STK32B: variants seen among roughly 807,000 people sequenced by gnomAD.
The protein encoded by STK32B is serine/threonine kinase 32B.
Under a neutral mutation model 52.6 loss-of-function variants are expected in STK32B, and 43 were observed. The observed-to-expected ratio is 0.82, with a 90% confidence interval of 0.64 to 1.05. The LOEUF (loss-of-function observed/expected upper bound fraction) is 1.05. Among genes scored for constraint, STK32B ranks in the 50% least tolerant of loss-of-function variants. STK32B has a pLI of 0.00. For synonymous variants in STK32B, 238 were observed against 204.3 expected (o/e 1.17, Z -1.41); for missense variants, 621 against 534.6 (o/e 1.16, Z -1.59).
At chr4:5,304,374 G>A (rs1729777473) in intron 3 of STK32B, among the ~76,000 whole-genome samples, 1 of 149,576 alleles carries the variant, frequency 6.7e-6, no homozygotes, top group Non-Finnish European at 1.5e-5. Flanking sequence ...ACTTTTCCTT[G>A]TAGAGGTCTT....
At chr4:5,491,457 C>A (rs1482124228) in intron 11 of STK32B, among the ~76,000 whole-genome samples, 1 of 152,068 alleles carries the variant, frequency 6.6e-6, no homozygotes, top group Non-Finnish European at 1.5e-5. Context: ...TGTTTGAGTT[C>A]ATTGTAGATT....
intron 1 of STK32B, among the ~76,000 whole-genome samples, chr4:5,114,006 C>G (rs1560158197): frequency 6.6e-6 from 1 of 152,092 alleles, no homozygotes; most frequent in Non-Finnish European, 1.5e-5. Flanking sequence ...TCCCATGATT[C>G]AATTACCTCC....
At chr4:5,205,653 G>A (rs1722508044) in intron 3 of STK32B, among the ~76,000 whole-genome samples, 1 of 152,016 alleles carries the variant, frequency 6.6e-6, no homozygotes, top group Admixed American at 6.5e-5. Context: ...TGACAGAGGA[G>A]TGAGTGAGTG....
intron 3 of STK32B, among the ~76,000 whole-genome samples, chr4:5,312,091 G>A (rs1393862): frequency 0.083 from 12,529 of 151,254 alleles, 836 homozygotes; most frequent in African/African-American, 0.18. Flanking sequence ...GTAATATATA[G>A]TACAATCATC....
chr4:5,379,555 A>G (rs763161605), intron 4 of STK32B, among the ~76,000 whole-genome samples: 2 of 152,066 alleles, frequency 1.3e-5, no homozygotes, highest in Non-Finnish European at 2.9e-5. Context: ...AACCCCCAGT[A>G]CCCCAGAATG....
intron 5 of STK32B, among the ~76,000 whole-genome samples, chr4:5,402,423 C>T (rs1198266685): frequency 1.3e-5 from 2 of 152,212 alleles, no homozygotes. Flanking sequence ...GTATTTTGCA[C>T]TTAAGTGCCA....
At chr4:5,416,233 T>G (rs142824264) in intron 5 of STK32B, among the ~76,000 whole-genome samples, 303 of 152,216 alleles carry the variant, frequency 2.0e-3, no homozygotes, top group African/African-American at 7.0e-3. Context: ...TGCACATCAC[T>G]TAGTTTCCTT....
At chr4:5,468,387 C>T (rs1451800566) in intron 11 of STK32B, among the ~76,000 whole-genome samples, 2 of 152,194 alleles carry the variant, frequency 1.3e-5, no homozygotes, top group African/African-American at 2.4e-5. Flanking sequence ...AAAGTAAGAG[C>T]GCTGGGGTCA....
chr4:5,126,302 C>T (rs1180861766), intron 1 of STK32B, among the ~76,000 whole-genome samples: 2 of 152,192 alleles, frequency 1.3e-5, no homozygotes, highest in African/African-American at 4.8e-5. Context: ...TCTTCTCTCC[C>T]TCCATCCCTC....
chr4:5,154,803 A>T (rs1717662553), intron 2 of STK32B, among the ~76,000 whole-genome samples: 1 of 152,144 alleles, frequency 6.6e-6, no homozygotes, highest in South Asian at 2.1e-4. Flanking sequence ...CATGTGGTAA[A>T]GGCTCAGTAA....
At chr4:5,292,546 T>C (rs28756484) in intron 3 of STK32B, among the ~76,000 whole-genome samples, 11,420 of 152,152 alleles carry the variant, frequency 0.075, 476 homozygotes, top group South Asian at 0.098. Context: ...ATTAGTGCTT[T>C]ATTGGGTGCA....
At chr4:5,064,959 C>T (rs1016880606) in intron 1 of STK32B, among the ~76,000 whole-genome samples, 3 of 151,288 alleles carry the variant, frequency 2.0e-5, no homozygotes, top group Non-Finnish European at 2.9e-5. Context: ...GTTTCAGTGA[C>T]ATTACACCCT....
intron 4 of STK32B, among the ~76,000 whole-genome samples, chr4:5,350,676 A>G (rs958261719): frequency 1.4e-4 from 22 of 152,174 alleles, no homozygotes; most frequent in Admixed American, 1.3e-4. Flanking sequence ...TAAACTTTCT[A>G]CTTAAAATAT....
At chr4:5,428,872 A>G (rs1338524290) in intron 6 of STK32B, among the ~76,000 whole-genome samples, 1 of 152,206 alleles carries the variant, frequency 6.6e-6, no homozygotes, top group African/African-American at 2.4e-5. Flanking sequence ...CTTGTTCTAA[A>G]GTCTGCTTTG....
At chr4:5,165,286 T>G (rs1718781746) in intron 2 of STK32B, among the ~76,000 whole-genome samples, 1 of 152,210 alleles carries the variant, frequency 6.6e-6, no homozygotes, top group Non-Finnish European at 1.5e-5. Context: ...AACCGCCTGC[T>G]TTTGCTTGTA....
chr4:5,139,710 T>G, intron 1 of STK32B, 195 bp from the exon 2 acceptor site: 1 of 592,240 alleles, frequency 1.7e-6, no homozygotes. Context: ...AGATGGACAA[T>G]TTGTGTGCTG....
At chr4:5,263,134 G>C (rs1726836420) in intron 3 of STK32B, among the ~76,000 whole-genome samples, 1 of 152,110 alleles carries the variant, frequency 6.6e-6, no homozygotes, top group Non-Finnish European at 1.5e-5. Context: ...CACCGGGAGG[G>C]ACTTAGGTAA....
At position 5,317,036 on chromosome 4, in the gene STK32B, ATATAT is replaced by A. The variant is rs1282372211; in HGVS notation, c.261-14178_261-14174del. On this transcript the variant is annotated intron_variant, in intron 3 of 11. Coordinates refer to ENST00000282908, the MANE Select transcript of STK32B (RefSeq NM_018401.3). ...TATAATATATAATATATATGATATA[ATATAT>A]TATATATATAATATATATGATATAA... Among the ~76,000 whole-genome samples, 36 of 23,644 alleles carry A rather than the reference ATATAT, an allele frequency of 1.5e-3. 4 individuals are homozygous for A. In the South Asian group the frequency reaches 0.021, roughly 14 times the overall value. 15.5% of individuals were successfully genotyped at this position (23,644 alleles called of 152,430 possible). A position where few individuals can be genotyped will look rare whatever the true frequency, so the allele number is the denominator to read the frequency against.
At chr4:5,195,765 G>T (rs1213195592) in intron 3 of STK32B, among the ~76,000 whole-genome samples, 1 of 152,192 alleles carries the variant, frequency 6.6e-6, no homozygotes, top group Non-Finnish European at 1.5e-5. Context: ...AGTTGGGAAG[G>T]CTTAACAACA....
Sources: allele counts gnomAD v4.1 joint callset (sites outside exome capture counted in the v4.1 genomes callset), GRCh38; gene constraint gnomAD v4.1.1; transcripts MANE v1.5; gene names NCBI Gene and HGNC (gene_info 2026-07-23, HGNC 2026-07-21).